LRRK1: variants seen among roughly 807,000 people sequenced by gnomAD.
The protein encoded by LRRK1 is leucine rich repeat kinase 1.
LRRK1 carries 113 observed loss-of-function variants against 209.1 expected under a neutral mutation model. The observed-to-expected ratio is 0.54, with a 90% CI of 0.46 to 0.63. The LOEUF (loss-of-function observed/expected upper bound fraction) is 0.63. Ranked by LOEUF, LRRK1 falls within the 30% of genes least tolerant of loss-of-function variation. The pLI, the probability that LRRK1 is intolerant of heterozygous loss-of-function variation, is 0.00. For synonymous variants in LRRK1, 1,144 were observed against 1,099.7 expected, an observed-to-expected ratio of 1.04 and a Z score of -0.80; for missense variants, 2,284 against 2,632.2, an observed-to-expected ratio of 0.87 and a Z score of 2.89.
intron 26 of LRRK1, among the ~76,000 whole-genome samples, chr15:101,054,188 C>G (rs534447591): frequency 2.0e-4 from 31 of 152,266 alleles, no homozygotes; most frequent in African/African-American, 7.2e-4. Flanking sequence ...TTGCCCAGGT[C>G]GTTCTCGAAC....
intron 28 of LRRK1, among the ~76,000 whole-genome samples, chr15:101,057,786 A>G (rs2035895929): frequency 6.6e-6 from 1 of 152,214 alleles, no homozygotes; most frequent in Admixed American, 6.5e-5. Context: ...ATGAGCTTAA[A>G]TTGCCGTAGC....
chr15:100,974,036 A>G (rs2031142755), intron 3 of LRRK1, 69 bp downstream of exon 3: 8 of 1,190,800 alleles, frequency 6.7e-6, no homozygotes, highest in Non-Finnish European at 8.5e-6. Flanking sequence ...CGCTCAGATG[A>G]TTTTCTCGTT....
intron 6 of LRRK1, among the ~76,000 whole-genome samples, chr15:100,992,675 T>C (rs2032207963): frequency 6.6e-6 from 1 of 152,164 alleles, no homozygotes; most frequent in Non-Finnish European, 1.5e-5. Context: ...TTGTTTCTGT[T>C]CTTGTTTTTT....
At chr15:101,055,707 C>T (rs541202788) in intron 27 of LRRK1, among the ~76,000 whole-genome samples, 24 of 152,234 alleles carry the variant, frequency 1.6e-4, no homozygotes, top group Non-Finnish European at 3.1e-4. Flanking sequence ...GCTGGCATCC[C>T]CTGGCAACTG....
Position 101,045,969 on chromosome 15 carries a change from GGT to G in LRRK1, c.2964-7_2964-6del. 1 of 1,613,254 alleles carries G rather than the reference GGT, an allele frequency of 6.2e-7. No homozygotes were observed. Among genetic ancestry groups the G allele is most frequent in the South Asian group, 1.1e-5 (1 of 91,044 alleles). On this transcript the variant is annotated splice_polypyrimidine_tract_variant and intron_variant, in intron 20 of 33. Coordinates refer to ENST00000388948, the MANE Select transcript of LRRK1 (RefSeq NM_024652.6). The stretch of plus-strand genomic sequence containing the variant: ...GCCCCACTGTTCACCAGTCCCCCTT[GGT>G]GTGTTTCAGCTACCTCCTGCCCCAT...
At chr15:101,052,063 C>A (rs1457937805) in intron 24 of LRRK1, 103 bp downstream of exon 24, 5 of 1,379,618 alleles carry the variant, frequency 3.6e-6, no homozygotes, top group African/African-American at 1.4e-5. Flanking sequence ...CTGGGGCGGG[C>A]AGGTGCCCCG....
In LRRK1 at chr15:100,988,736, A is replaced by G; in HGVS notation, c.536A>G (p.Asp179Gly). The change falls in exon 5 of 34, where the codon GAC becomes GGC. Residue 179 changes from aspartate to glycine, a missense_variant. This residue lies in a region of LRRK1 where 134 missense variants were observed against 191.7 expected (regional missense o/e 0.70). Coordinates refer to ENST00000388948, the MANE Select transcript of LRRK1 (RefSeq NM_024652.6). Reference protein sequence around the residue: ...VKLLVLTHGADPESYAVRKNE... With the variant: ...VKLLVLTHGAGPESYAVRKNE... ...CTCCTGGTCCTGACGCACGGGGCTGACCCGGAGAGCTACGCTGTCAGGAAG... is the reference window on the plus strand; with the variant it reads ...CTCCTGGTCCTGACGCACGGGGCTGGCCCGGAGAGCTACGCTGTCAGGAAG... The G allele has an allele frequency of 6.2e-7, 1 of 1,614,148 alleles. No homozygotes were observed. Among genetic ancestry groups the G allele is most frequent in the Middle Eastern group, 1.7e-4 (1 of 6,060 alleles).
intron 6 of LRRK1, among the ~76,000 whole-genome samples, chr15:101,005,572 C>T (rs573395403): frequency 2.1e-4 from 32 of 152,210 alleles, no homozygotes; most frequent in Non-Finnish European, 3.8e-4. Context: ...GTGATGAGCA[C>T]ACCTCACACC....
At chr15:100,958,412 A>G (rs1379810437) in intron 2 of LRRK1, among the ~76,000 whole-genome samples, 1 of 152,052 alleles carries the variant, frequency 6.6e-6, no homozygotes, top group African/African-American at 2.4e-5. Context: ...GGTGTTTTGG[A>G]TACGTCTGTA....
At chr15:100,993,384 C>T (rs2032252722) in intron 6 of LRRK1, among the ~76,000 whole-genome samples, 1 of 152,134 alleles carries the variant, frequency 6.6e-6, no homozygotes, top group South Asian at 2.1e-4. Context: ...ATACATCCAT[C>T]GATACAAGTA....
Position 100,961,649 on chromosome 15 carries a change from C to CAA in LRRK1, c.98-12139_98-12138dup, listed in dbSNP as rs10560323. ...GCCTAGCAACAGAGTGAGACTCCGT[C>CAA]AAAAAAAAAAAAAAAAACCATAGCA... is the stretch of plus-strand genomic sequence containing the variant. On this transcript the variant is annotated intron_variant, in intron 2 of 33. Coordinates refer to ENST00000388948, the MANE Select transcript of LRRK1 (RefSeq NM_024652.6). 5.6e-3 allele frequency among the ~76,000 whole-genome samples: 793 copies of CAA among 142,764 alleles called. 4 individuals are homozygous for CAA. Among genetic ancestry groups the CAA allele is most frequent in the Non-Finnish European group, 6.9e-3 (454 of 65,844 alleles). 93.7% of individuals were successfully genotyped at this position (142,764 alleles called of 152,430 possible).
chr15:101,067,361 C>T (rs1042232466), intron 33 of LRRK1: 10 of 446,018 alleles, frequency 2.2e-5, no homozygotes, highest in South Asian at 7.9e-5. Context: ...GTTTACACCC[C>T]GCACTTTGAC....
intron 26 of LRRK1, among the ~76,000 whole-genome samples, chr15:101,054,706 G>A (rs1191700933): frequency 6.6e-6 from 1 of 152,122 alleles, no homozygotes; most frequent in Non-Finnish European, 1.5e-5. Flanking sequence ...ACTCAACTTG[G>A]GAGGCTGAGG....
At position 101,056,860 on chromosome 15, in the gene LRRK1, A is replaced by G; in HGVS notation, c.4337A>G (p.Asp1446Gly). 2.5e-6 allele frequency: 4 copies of G among 1,600,982 alleles called. No individual in the cohort carries two copies. Among genetic ancestry groups the G allele is most frequent in the Non-Finnish European group, 1.7e-6 (2 of 1,173,736 alleles). ...CTTGGCTTGTTCTGTGCCCAGGTAG[A>G]TATGTTCTCCTATGGAATGGTGCTC... The part of the protein sequence containing the change: ...RPRIVYDEKV[D>G]MFSYGMVLYE... Residue 1446 changes from aspartate (D) to glycine (G), a missense_variant, in exon 28 of 34, where the codon GAT (aspartate) becomes GGT (glycine). Around this residue, in one of 6 missense-constraint regions of LRRK1, gnomAD observed 59 missense variants for 103.8 expected, o/e 0.57. Coordinates refer to ENST00000388948, the MANE Select transcript of LRRK1 (RefSeq NM_024652.6).
chr15:101,076,113 C>T lies in LRRK1; in HGVS notation c.*7265C>T, dbSNP rs550720674. 6.6e-6 allele frequency: 1 copy of T among 152,262 alleles called. No individual in the cohort carries two copies. The highest frequency in any genetic ancestry group is 1.9e-4 in the East Asian group (1 of 5,172). 9.4% of individuals were successfully genotyped at this position (152,262 alleles called of 1,614,324 possible). A position where few individuals can be genotyped will look rare whatever the true frequency, so the allele number is the denominator to read the frequency against. On this transcript the variant is annotated 3_prime_UTR_variant, in exon 34 of 34. Coordinates refer to ENST00000388948, the MANE Select transcript of LRRK1 (RefSeq NM_024652.6). ...GCAGTCAGAATTCTTACACAAGAGC[C>T]AGGACCGCACCCTGTAGACCTTCTG...
At chr15:101,067,967 C>A (rs542426101) in intron 33 of LRRK1, among the ~76,000 whole-genome samples, 2 of 152,324 alleles carry the variant, frequency 1.3e-5, no homozygotes, top group Non-Finnish European at 2.9e-5. Context: ...GGCAAGGCCA[C>A]GCGGAGTGAG....
At chr15:100,997,313 G>A (rs970933853) in intron 6 of LRRK1, among the ~76,000 whole-genome samples, 1 of 152,164 alleles carries the variant, frequency 6.6e-6, no homozygotes, top group African/African-American at 2.4e-5. Flanking sequence ...ATCCAAGGTA[G>A]ATCATTGGTG....
In LRRK1 at chr15:101,065,861, T is replaced by C; in HGVS notation, c.5424T>C (p.Pro1808=). The C allele has an allele frequency of 6.2e-7, 1 of 1,614,110 alleles. No homozygotes were observed. Among genetic ancestry groups the C allele is most frequent in the Non-Finnish European group, 8.5e-7 (1 of 1,180,008 alleles). Residue 1808 remains proline (P), a synonymous_variant, in exon 32 of 34, where the codon CCT becomes CCC. Coordinates refer to ENST00000388948, the MANE Select transcript of LRRK1 (RefSeq NM_024652.6). ...AASHTANPKV[P]EGDSIADVSI... is the part of the protein sequence containing the mutation. ...GCCACACGGCCAACCCAAAGGTGCC[T>C]GAGGGGGACTCCATCGCGGACGTGA... is the stretch of plus-strand genomic sequence containing the variant.
At chr15:100,942,796 C>T (rs1179492413) in intron 2 of LRRK1, among the ~76,000 whole-genome samples, 1 of 152,122 alleles carries the variant, frequency 6.6e-6, no homozygotes, top group East Asian at 1.9e-4. Context: ...CGATGGGTGC[C>T]CGGAGTCCCC....
Sources: allele counts gnomAD v4.1 joint callset (sites outside exome capture counted in the v4.1 genomes callset), GRCh38; gene constraint gnomAD v4.1.1; regional missense constraint gnomAD v4.1.1; transcripts MANE v1.5; gene names NCBI Gene and HGNC (gene_info 2026-07-23, HGNC 2026-07-21).